The following RANBP2 variants were observed in gnomAD, a reference collection of about 807,000 sequenced individuals.
RANBP2 encodes RAN binding protein 2, also known as E3 SUMO-protein ligase RanBP2.
In RANBP2, 57 loss-of-function variants were observed where a neutral mutation model predicts 303.6. That is an observed-to-expected ratio of 0.19 (90% CI 0.15 to 0.23). RANBP2 has a LOEUF of 0.23. Ranked by LOEUF, RANBP2 falls within the 10% of genes least tolerant of loss-of-function variation. RANBP2 has a pLI of 1.00. For missense variants in RANBP2, 3,138 were observed against 3,780.8 expected, an observed-to-expected ratio of 0.83 and a Z score of 4.46; for synonymous variants, 1,167 against 1,301.5, an observed-to-expected ratio of 0.90 and a Z score of 2.23.
At chr2:109,451,577 A>G in the RANBP2 span, among the ~76,000 whole-genome samples, 17 of 152,310 alleles carry the variant, frequency 1.1e-4, no homozygotes, top group Non-Finnish European at 1.9e-4. Flanking sequence ...GCTGTTCCCC[A>G]TCACCCACCT....
chr2:108,847,913 A>AGT, the RANBP2 span, among the ~76,000 whole-genome samples: 1 of 152,230 alleles, frequency 6.6e-6, no homozygotes. Flanking sequence ...CTAGGTGGTT[A>AGT]GTGTGTGAAA....
In RANBP2 at chr2:108,719,482, A is replaced by C; in HGVS notation, c.-125A>C. On this transcript the variant is annotated 5_prime_UTR_variant, in exon 1 of 29. Transcript: ENST00000283195. Reference sequence around the variant, plus strand: ...CCGCCGGCTGCGCCGCAAGTTCGTCACAGTGGTCCTCCGCCGGCTACGGCG... The same window carrying C: ...CCGCCGGCTGCGCCGCAAGTTCGTCCCAGTGGTCCTCCGCCGGCTACGGCG... The C allele has an allele frequency of 6.8e-7, 1 of 1,479,356 alleles. No individual in the cohort carries two copies. The highest frequency in any genetic ancestry group is 9.1e-7 in the Non-Finnish European group (1 of 1,097,112). The allele number at this position is 1,479,356 out of a possible 1,614,324, so 91.6% of individuals were successfully genotyped here.
At chr2:109,497,417 C>T in the RANBP2 span, among the ~76,000 whole-genome samples, 25 of 152,232 alleles carry the variant, frequency 1.6e-4, no homozygotes, top group Non-Finnish European at 2.9e-4. Context: ...ACCTCGCACA[C>T]AGAGCTAATG....
At chr2:109,734,610 CT>C in the RANBP2 span, among the ~76,000 whole-genome samples, 118 of 149,426 alleles carry the variant, frequency 7.9e-4, no homozygotes, top group South Asian at 1.3e-3. Context: ...ATTCTACAGT[CT>C]TTTTTTTTTC....
chr2:108,771,658 C>T, intron 20 of RANBP2, 43 bp from the exon 21 acceptor site: 1 of 1,604,992 alleles, frequency 6.2e-7, no homozygotes, highest in African/African-American at 1.3e-5. Context: ...AACGTCAATA[C>T]TTAATACCTT....
At chr2:109,413,067 C>T in the RANBP2 span, among the ~76,000 whole-genome samples, 3 of 152,176 alleles carry the variant, frequency 2.0e-5, no homozygotes, top group Non-Finnish European at 4.4e-5. Context: ...AGTGCTGCTG[C>T]GAAATCCTTA....
At chr2:108,812,995 A>C in the RANBP2 span, 3 of 1,311,336 alleles carry the variant, frequency 2.3e-6, no homozygotes, top group Non-Finnish European at 3.2e-6. Context: ...CACACCTGTA[A>C]TCCCAGCACT....
chr2:109,421,277 G>C, the RANBP2 span, among the ~76,000 whole-genome samples: 1 of 152,252 alleles, frequency 6.6e-6, no homozygotes, highest in East Asian at 1.9e-4. Flanking sequence ...CAAGGGCAAA[G>C]CCCAGATGTG....
the RANBP2 span, among the ~76,000 whole-genome samples, chr2:109,247,951 G>A: frequency 6.6e-6 from 1 of 152,088 alleles, no homozygotes; most frequent in East Asian, 1.9e-4. Flanking sequence ...ACGTGCAAGC[G>A]CTTTTTAAAC....
the RANBP2 span, among the ~76,000 whole-genome samples, chr2:109,426,585 GATAAAA>G: frequency 6.6e-6 from 1 of 152,322 alleles, no homozygotes; most frequent in East Asian, 1.9e-4. Flanking sequence ...AGTTTCTTGA[GATAAAA>G]ATCTCCTCCT....
At chr2:109,712,834 T>G in the RANBP2 span, among the ~76,000 whole-genome samples, 1 of 152,216 alleles carries the variant, frequency 6.6e-6, no homozygotes, top group South Asian at 2.1e-4. Flanking sequence ...CTTCTGATTT[T>G]AAAAGAAATG....
the RANBP2 span, among the ~76,000 whole-genome samples, chr2:109,160,613 A>G: frequency 1.3e-5 from 2 of 152,160 alleles, no homozygotes; most frequent in African/African-American, 2.4e-5. Flanking sequence ...CTGTTTTCCA[A>G]TGGAAAAGCT....
At chr2:109,318,100 CA>C in the RANBP2 span, among the ~76,000 whole-genome samples, 81 of 134,474 alleles carry the variant, frequency 6.0e-4, no homozygotes, top group East Asian at 7.5e-3. Flanking sequence ...TTTCAGTACG[CA>C]AAAAAAAAAA....
the RANBP2 span, among the ~76,000 whole-genome samples, chr2:109,314,464 C>G: frequency 3.3e-5 from 5 of 152,140 alleles, no homozygotes; most frequent in African/African-American, 1.2e-4. Context: ...CTGGGGAAAG[C>G]AGGTCAGCCT....
the RANBP2 span, among the ~76,000 whole-genome samples, chr2:109,199,353 T>C: frequency 0.019 from 2 of 104 alleles, no homozygotes; most frequent in Non-Finnish European, 0.059. Context: ...TGGAATGGAA[T>C]GGAATGGAAT....
the RANBP2 span, chr2:108,798,644 A>T: frequency 7.5e-7 from 1 of 1,340,472 alleles, no homozygotes; most frequent in Admixed American, 2.1e-5. Context: ...TCTTAGATTC[A>T]CTAGTTACTA....
At chr2:109,760,485 A>T in the RANBP2 span, 1 of 957,666 alleles carries the variant, frequency 1.0e-6, no homozygotes, top group Non-Finnish European at 1.2e-6. Flanking sequence ...CTCTCTCTTG[A>T]GTGTGCCTGC....
At chr2:109,305,843 G>C in the RANBP2 span, among the ~76,000 whole-genome samples, 3 of 152,218 alleles carry the variant, frequency 2.0e-5, no homozygotes, top group Admixed American at 2.0e-4. Flanking sequence ...AGAAAGAGCA[G>C]GTGACAGAGA....
At chr2:109,481,236 C>T in the RANBP2 span, among the ~76,000 whole-genome samples, 1 of 152,218 alleles carries the variant, frequency 6.6e-6, no homozygotes, top group African/African-American at 2.4e-5. Flanking sequence ...GGTCCCCCCA[C>T]ACAGGTCTCT....
Sources: gnomAD v4.1 joint callset for allele counts (sites outside exome capture counted in the v4.1 genomes callset) on GRCh38, gnomAD v4.1.1 for gene constraint, MANE v1.5 for transcripts, NCBI Gene and HGNC (gene_info 2026-07-23, HGNC 2026-07-21) for gene names.